The following NHSL2 variants were observed in gnomAD, a reference collection of about 807,000 sequenced individuals.
NHSL2 encodes the protein NHS-like protein 2.
In NHSL2, 27 loss-of-function variants were observed where a neutral mutation model predicts 53.4. That is an observed-to-expected ratio of 0.51 (90% CI 0.37 to 0.70). NHSL2 has a LOEUF of 0.70. Among genes scored for constraint, NHSL2 ranks in the 30% least tolerant of loss-of-function variants. The probability of loss-of-function intolerance (pLI) is 0.00; values close to 1 mark genes in which losing one functional copy is unlikely to be tolerated. For missense variants in NHSL2, 892 were observed against 980.1 expected (o/e 0.91, Z 1.20); for synonymous variants, 408 against 404.1 (o/e 1.01, Z -0.12).
intron 1 of NHSL2, among the ~76,000 whole-genome samples, chrX:72,102,353 A>G (rs2042001682): frequency 8.9e-6 from 1 of 112,043 alleles, no homozygotes; most frequent in African/African-American, 3.3e-5. Flanking sequence ...AGGCTGAATC[A>G]TCCTACCTCG....
chrX:72,058,345 A>G (rs114031955), intron 1 of NHSL2, among the ~76,000 whole-genome samples: 301 of 109,885 alleles, frequency 2.7e-3, no homozygotes, highest in African/African-American at 9.7e-3. Flanking sequence ...TTTTTTTTAA[A>G]TTGTTATTAA....
intron 1 of NHSL2, among the ~76,000 whole-genome samples, chrX:71,997,098 C>T (rs1343078302): frequency 1.8e-5 from 2 of 112,226 alleles, no homozygotes; most frequent in Non-Finnish European, 3.8e-5. Context: ...TCAGAAAAGC[C>T]CAGTGGGGGA....
At chrX:72,029,514 T>C (rs1387138562) in intron 1 of NHSL2, among the ~76,000 whole-genome samples, 1 of 112,768 alleles carries the variant, frequency 8.9e-6, no homozygotes, top group Non-Finnish European at 1.9e-5. Context: ...AGTAGCACTT[T>C]GCTAACTTAT....
Position 72,142,226 on chromosome X carries a change from G to A in NHSL2, c.3224-6G>A. The A allele has an allele frequency of 8.6e-7, 1 of 1,160,881 alleles. No individual in the cohort carries two copies. Reference sequence around the variant, plus strand: ...AAAGTCATTCCTTTTGGTTTTTTATGTCTAGGGAGTTCTGTGGAACCAGGC... The same window carrying A: ...AAAGTCATTCCTTTTGGTTTTTTATATCTAGGGAGTTCTGTGGAACCAGGC... On this transcript the variant is annotated splice_polypyrimidine_tract_variant and splice_region_variant and intron_variant, in intron 6 of 7. Transcript: ENST00000633930.
Position 72,081,673 on chromosome X carries a change from A to T in NHSL2, c.281-50406A>T, listed in dbSNP as rs60211728. ...AGACGCAGCTGCTCAAAATCCTGTG[A>T]TGGCCTCCCATGGCCCACTGGTGAA... On this transcript the variant is annotated intron_variant, in intron 1 of 7. Coordinates refer to ENST00000633930, the MANE Select transcript of NHSL2 (RefSeq NM_001013627.3). 3.6e-5 allele frequency among the ~76,000 whole-genome samples: 4 copies of T among 112,094 alleles called. No individual in the cohort carries two copies. The East Asian group carries it at 1.1e-3, about 32-fold the overall frequency.
At chrX:71,953,895 A>G (rs1280065174) in intron 1 of NHSL2, among the ~76,000 whole-genome samples, 1 of 112,200 alleles carries the variant, frequency 8.9e-6, no homozygotes, top group African/African-American at 3.2e-5. Context: ...CTTCAGCTCA[A>G]TAGTTTACCT....
intron 7 of NHSL2, 82 bp from the exon 8 acceptor site, chrX:72,143,171 G>A: frequency 1.5e-6 from 1 of 666,248 alleles, no homozygotes; most frequent in Non-Finnish European, 2.2e-6. Context: ...CGCCTGGATT[G>A]TGTCACAGGC....
chrX:71,960,663 A>T (rs1029118099), intron 1 of NHSL2, among the ~76,000 whole-genome samples: 3 of 111,981 alleles, frequency 2.7e-5, no homozygotes. Flanking sequence ...TGGTGTTGAC[A>T]CTCTTGTAGA....
chrX:72,063,077 A>G (rs1388372526), intron 1 of NHSL2, among the ~76,000 whole-genome samples: 1 of 112,035 alleles, frequency 8.9e-6, no homozygotes, highest in Non-Finnish European at 1.9e-5. Context: ...TCTGGGGTGT[A>G]TGCTTATTCA....
intron 1 of NHSL2, among the ~76,000 whole-genome samples, chrX:72,097,397 C>CTTAT (rs1202243474): frequency 8.9e-6 from 1 of 112,103 alleles, no homozygotes; most frequent in African/African-American, 3.2e-5. Flanking sequence ...GTTCCTGCTA[C>CTTAT]TGATTGCACT....
At chrX:71,911,840 C>T (rs1327991703) in intron 1 of NHSL2, among the ~76,000 whole-genome samples, 2 of 112,900 alleles carry the variant, frequency 1.8e-5, no homozygotes, top group African/African-American at 6.4e-5. Context: ...ACCTACGCGG[C>T]GGCAGGAGCC....
At chrX:71,924,466 C>T (rs950111984) in intron 1 of NHSL2, among the ~76,000 whole-genome samples, 4 of 111,656 alleles carry the variant, frequency 3.6e-5, no homozygotes, top group African/African-American at 1.3e-4. Context: ...ATGTTTATTT[C>T]CTTCTTTTAC....
chrX:72,123,805 A>C (rs2042200146), intron 1 of NHSL2, among the ~76,000 whole-genome samples: 1 of 110,288 alleles, frequency 9.1e-6, no homozygotes, highest in Non-Finnish European at 1.9e-5. Context: ...CCTGGGCCCT[A>C]CTTTCCCACA....
At chrX:71,995,311 C>T (rs756901903) in intron 1 of NHSL2, among the ~76,000 whole-genome samples, 4 of 112,124 alleles carry the variant, frequency 3.6e-5, no homozygotes, top group South Asian at 7.4e-4. Flanking sequence ...GCACAACAGC[C>T]GGTGTGATTC....
intron 1 of NHSL2, among the ~76,000 whole-genome samples, chrX:72,094,490 T>C (rs943695477): frequency 4.5e-5 from 5 of 110,786 alleles, no homozygotes; most frequent in Non-Finnish European, 9.4e-5. Flanking sequence ...TGATATTTTT[T>C]CATATGCTTG....
chrX:72,111,300 G>A (rs911071917), intron 1 of NHSL2, among the ~76,000 whole-genome samples: 14 of 112,659 alleles, frequency 1.2e-4, no homozygotes, highest in African/African-American at 3.9e-4. Context: ...AGCTAACTGG[G>A]CGGAGGATGT....
intron 1 of NHSL2, among the ~76,000 whole-genome samples, chrX:71,922,466 T>G (rs1221037770): frequency 8.9e-6 from 1 of 112,015 alleles, no homozygotes; most frequent in African/African-American, 3.2e-5. Flanking sequence ...GTAACCCCTA[T>G]AGTTTGCCTC....
At chrX:71,997,274 C>T (rs1468281170) in intron 1 of NHSL2, among the ~76,000 whole-genome samples, 3 of 111,730 alleles carry the variant, frequency 2.7e-5, no homozygotes, top group Non-Finnish European at 5.6e-5. Context: ...GAGCTAAGAA[C>T]GTGCCAGTGG....
At chrX:71,953,655 C>A (rs1437471215) in intron 1 of NHSL2, among the ~76,000 whole-genome samples, 4 of 111,267 alleles carry the variant, frequency 3.6e-5, no homozygotes, top group African/African-American at 9.8e-5. Flanking sequence ...TTCCAGGGAT[C>A]TTTCCCTTTC....
Sources: gnomAD v4.1 joint callset for allele counts (sites outside exome capture counted in the v4.1 genomes callset) on GRCh38, gnomAD v4.1.1 for gene constraint, MANE v1.5 for transcripts, NCBI Gene and HGNC (gene_info 2026-07-23, HGNC 2026-07-21) for gene names.